The following CYFIP2 variants were observed in gnomAD, a reference collection of about 807,000 sequenced individuals.
CYFIP2 encodes cytoplasmic FMR1-interacting protein 2.
In CYFIP2, 29 loss-of-function variants were observed where a neutral mutation model predicts 158.7. The ratio of observed to expected loss-of-function variants is 0.18; its 90% CI spans 0.14 to 0.25. The LOEUF is 0.25. Ranked by LOEUF, CYFIP2 falls within the 10% of genes least tolerant of loss-of-function variation. The pLI, the probability that CYFIP2 is intolerant of heterozygous loss-of-function variation, is 1.00. For missense variants in CYFIP2, 852 were observed against 1,639.5 expected (o/e 0.52, Z 8.29); for synonymous variants, 585 against 617.6 (o/e 0.95, Z 0.78).
intron 4 of CYFIP2, among the ~76,000 whole-genome samples, chr5:157,295,156 G>A (rs1222305953): frequency 6.6e-6 from 1 of 152,170 alleles, no homozygotes; most frequent in African/African-American, 2.4e-5. Flanking sequence ...AAAGAAAGAT[G>A]TTCCCACTGC....
chr5:157,279,551 G>A (rs376828557), intron 1 of CYFIP2, among the ~76,000 whole-genome samples: 4 of 151,896 alleles, frequency 2.6e-5, no homozygotes, highest in Non-Finnish European at 5.9e-5. Context: ...GTCTGCCTGG[G>A]GGGGCACCTA....
chr5:157,311,675 C>A lies in CYFIP2; in HGVS notation c.1004C>A (p.Thr335Asn). 1 of 1,608,144 alleles carries A rather than the reference C, an allele frequency of 6.2e-7. No individual in the cohort carries two copies. Among genetic ancestry groups the A allele is most frequent in the Non-Finnish European group, 8.5e-7 (1 of 1,177,388 alleles). ...YEENKSKWTCTQSSISPQYNI... is the reference protein window; with the variant it reads ...YEENKSKWTCNQSSISPQYNI... ...AATTTTCTACCCAGGTGGACGTGCA[C>A]CCAGAGCAGCATCAGCCCCCAGTAC... Residue 335 changes from threonine (T) to asparagine (N), a missense_variant, in exon 11 of 31, where the codon ACC becomes AAC. Transcript: ENST00000620254. This position sits in a 1 kb window ranked among gnomAD's most constrained non-coding sequence, Gnocchi z 4.7.
chr5:157,392,191 G>A (rs1266465945), intron 30 of CYFIP2, among the ~76,000 whole-genome samples: 3 of 151,742 alleles, frequency 2.0e-5, no homozygotes, highest in African/African-American at 7.3e-5. Flanking sequence ...CTATTTTTCG[G>A]TTGCCTTTTC....
chr5:157,363,750 T>TA (rs1412137340), intron 26 of CYFIP2: 1 of 152,278 alleles, frequency 6.6e-6, no homozygotes, highest in Non-Finnish European at 1.5e-5. Context: ...ACAAGGCTCT[T>TA]ACAGTCTAGA....
chr5:157,391,491 T>C (rs1054303786), intron 30 of CYFIP2, among the ~76,000 whole-genome samples: 4 of 151,226 alleles, frequency 2.6e-5, no homozygotes, highest in Non-Finnish European at 5.9e-5. Flanking sequence ...CTACTTTCTC[T>C]ATGCATTTGA....
intron 29 of CYFIP2, among the ~76,000 whole-genome samples, chr5:157,390,159 C>T (rs1767130139): frequency 6.6e-6 from 1 of 152,210 alleles, no homozygotes; most frequent in Non-Finnish European, 1.5e-5. Flanking sequence ...TCTTTTAGCT[C>T]CTTTAGAGAG....
chr5:157,332,703 G>A (rs1458845229), intron 20 of CYFIP2, among the ~76,000 whole-genome samples: 1 of 152,194 alleles, frequency 6.6e-6, no homozygotes, highest in Non-Finnish European at 1.5e-5. Context: ...GAGTGCAGTG[G>A]CACAGTCATA....
intron 8 of CYFIP2, 84 bp from the exon 9 acceptor site, chr5:157,307,677 C>G: frequency 1.8e-6 from 1 of 547,402 alleles, no homozygotes. Context: ...GTGTGTGTGA[C>G]ACATATACAG....
chr5:157,369,148 T>C (rs1310922269), intron 26 of CYFIP2, among the ~76,000 whole-genome samples: 1 of 152,180 alleles, frequency 6.6e-6, no homozygotes, highest in Non-Finnish European at 1.5e-5. Context: ...TCCACCTGCC[T>C]TGGCCTCCCA....
Position 157,394,910 on chromosome 5 carries a change from T to C in CYFIP2, c.*1910T>C, listed in dbSNP as rs1231324123. The C allele has an allele frequency of 6.6e-6, 1 of 152,400 alleles. No homozygotes were observed. The allele number at this position is 152,400 out of a possible 1,614,324, so 9.4% of individuals were successfully genotyped here. A position where few individuals can be genotyped will look rare whatever the true frequency, so the allele number is the denominator to read the frequency against. ...GATGGCAGAACATGCTTTCAAAACA[T>C]ATAAAATGTCAAAGTTCCAGATCCT... On this transcript the variant is annotated 3_prime_UTR_variant, in exon 31 of 31. Transcript: ENST00000620254.
chr5:157,393,043 CAGG>C lies in CYFIP2; in HGVS notation c.*46_*48del. On this transcript the variant is annotated 3_prime_UTR_variant, in exon 31 of 31. Transcript: ENST00000620254. ...CCCTTATCTGGAGGAGGAAGAGAAG[CAGG>C]AGAGAGAAAGCCACAGCCAGCCTGC... 6.2e-7 allele frequency: 1 copy of C among 1,601,490 alleles called. No homozygotes were observed. Among genetic ancestry groups the C allele is most frequent in the African/African-American group, 1.3e-5 (1 of 74,612 alleles).
rs373446663 is a variant in CYFIP2, at chr5:157,367,751, CTTTTTTT to C, written c.3039+6168_3039+6174del. ...GTCACACTAAGATGACCTCTGTTCA[CTTTTTTT>C]TTTTTTTTTTTTTTAAGACAGAGTC... On this transcript the variant is annotated intron_variant, in intron 26 of 30. Transcript: ENST00000620254. Among the ~76,000 whole-genome samples, 428 of 123,576 alleles carry C rather than the reference CTTTTTTT, an allele frequency of 3.5e-3. 3 individuals are homozygous for C. The highest frequency in any genetic ancestry group is 0.011 in the African/African-American group (356 of 32,608). 81.1% of individuals were successfully genotyped at this position (123,576 alleles called of 152,430 possible).
At chr5:157,359,749 G>A (rs949563206) in intron 24 of CYFIP2, among the ~76,000 whole-genome samples, 1 of 152,228 alleles carries the variant, frequency 6.6e-6, no homozygotes, top group Non-Finnish European at 1.5e-5. Flanking sequence ...AATTTCAAAT[G>A]ATGAAAGAGA....
intron 1 of CYFIP2, among the ~76,000 whole-genome samples, chr5:157,277,495 T>C (rs1020433951): frequency 3.3e-5 from 5 of 152,238 alleles, no homozygotes; most frequent in Non-Finnish European, 5.9e-5. Flanking sequence ...TTGAGGTGTG[T>C]TCATGAATTC....
In CYFIP2 at chr5:157,324,380, A is replaced by G. The variant is rs190133640; in HGVS notation, c.1825+306A>G. On this transcript the variant is annotated intron_variant, in intron 16 of 30. Coordinates refer to ENST00000620254, the MANE Select transcript of CYFIP2 (RefSeq NM_001037333.3). ...ACGTACATACAGACACACGGATGCT[A>G]GACTTTTGCTACTCAGCCGCAACCA... 1.4e-4 allele frequency among the ~76,000 whole-genome samples: 22 copies of G among 152,324 alleles called. No homozygotes were observed. In the Middle Eastern group the frequency reaches 0.021, roughly 142 times the overall value.
chr5:157,394,760 G>A lies in CYFIP2; in HGVS notation c.*1760G>A, dbSNP rs184072551. On this transcript the variant is annotated 3_prime_UTR_variant, in exon 31 of 31. Coordinates refer to ENST00000620254, the MANE Select transcript of CYFIP2 (RefSeq NM_001037333.3). ...CATCATACAGGGAAGAGAGAAGGGAGGAGGTTCCAAGTAGTAACTGGCAGA... is the reference window on the plus strand; with the variant it reads ...CATCATACAGGGAAGAGAGAAGGGAAGAGGTTCCAAGTAGTAACTGGCAGA... 1 of 152,374 alleles carries A rather than the reference G, an allele frequency of 6.6e-6. No homozygotes were observed. The highest frequency in any genetic ancestry group is 1.5e-5 in the Non-Finnish European group (1 of 68,044). The allele number at this position is 152,374 out of a possible 1,614,324, so 9.4% of individuals were successfully genotyped here.
At chr5:157,323,340 T>C (rs919532891) in intron 15 of CYFIP2, among the ~76,000 whole-genome samples, 1 of 152,148 alleles carries the variant, frequency 6.6e-6, no homozygotes. Context: ...GTCAAAACGC[T>C]GAGGGTCAGG....
In CYFIP2 at chr5:157,304,204, C is replaced by CGCT. The variant is rs772448892; in HGVS notation, c.667-31_667-29dup. 3 of 1,597,176 alleles carry CGCT rather than the reference C, an allele frequency of 1.9e-6. No homozygotes were observed. The African/African-American group carries it at 4.0e-5, about 21-fold the overall frequency. On this transcript the variant is annotated intron_variant, in intron 7 of 30. Coordinates refer to ENST00000620254, the MANE Select transcript of CYFIP2 (RefSeq NM_001037333.3). ...TGCAGGTGAGGGCACAGGATACATG[C>CGCT]GCTGCCTAACCTGAGGGTGGCGCTG... is the stretch of plus-strand genomic sequence containing the variant.
At chr5:157,371,258 G>C (rs1227789442) in intron 26 of CYFIP2, among the ~76,000 whole-genome samples, 1 of 152,118 alleles carries the variant, frequency 6.6e-6, no homozygotes, top group Non-Finnish European at 1.5e-5. Flanking sequence ...CTCTGGTTAG[G>C]GCCCAGCTCC....
Sources: allele counts gnomAD v4.1 joint callset (sites outside exome capture counted in the v4.1 genomes callset), GRCh38; gene constraint gnomAD v4.1.1; non-coding constraint Gnocchi (gnomAD v3.1); transcripts MANE v1.5; gene names NCBI Gene and HGNC (gene_info 2026-07-23, HGNC 2026-07-21).